MCC: variants seen among roughly 807,000 people sequenced by gnomAD.
MCC encodes the protein colorectal mutant cancer protein.
Under a neutral mutation model 116.2 loss-of-function variants are expected in MCC, and 90 were observed. That is an observed-to-expected ratio of 0.77 (90% confidence interval 0.65 to 0.92). The LOEUF (loss-of-function observed/expected upper bound fraction) is 0.92. MCC is among the 40% of genes least tolerant of loss of function. The probability of loss-of-function intolerance (pLI) is 0.00; values close to 1 mark genes in which losing one functional copy is unlikely to be tolerated. For missense variants in MCC, 1,516 were observed against 1,312.2 expected, an observed-to-expected ratio of 1.16 and a Z score of -2.40; for synonymous variants, 578 against 510.5, an observed-to-expected ratio of 1.13 and a Z score of -1.78.
intron 3 of MCC, among the ~76,000 whole-genome samples, chr5:113,215,999 G>A (rs1401731200): frequency 2.0e-5 from 3 of 152,206 alleles, no homozygotes; most frequent in Admixed American, 6.5e-5. Flanking sequence ...TTGATGGCAA[G>A]CCCTTCTCCT....
chr5:113,056,672 T>C (rs1470259561), intron 14 of MCC, among the ~76,000 whole-genome samples: 1 of 152,034 alleles, frequency 6.6e-6, no homozygotes. Flanking sequence ...CAAACCTCCA[T>C]GACATGAGTT....
At chr5:113,100,167 G>A (rs6861336) in intron 8 of MCC, among the ~76,000 whole-genome samples, 21,897 of 152,104 alleles carry the variant, frequency 0.14, 1,830 homozygotes, top group African/African-American at 0.23. Flanking sequence ...AGGTAGTAGT[G>A]CCAGCCTTTT....
At chr5:113,124,088 T>C (rs1197685169) in intron 5 of MCC, among the ~76,000 whole-genome samples, 1 of 152,238 alleles carries the variant, frequency 6.6e-6, no homozygotes, top group Non-Finnish European at 1.5e-5. Flanking sequence ...CCGTGCTTTA[T>C]AAGGTATTGT....
intron 11 of MCC, among the ~76,000 whole-genome samples, chr5:113,078,861 G>A (rs945420273): frequency 2.0e-5 from 3 of 152,334 alleles, no homozygotes; most frequent in African/African-American, 7.2e-5. Flanking sequence ...AAAAGAGGAA[G>A]TCAAACTGTC....
At chr5:113,470,795 T>A (rs982026222) in intron 1 of MCC, among the ~76,000 whole-genome samples, 5 of 152,128 alleles carry the variant, frequency 3.3e-5, no homozygotes, top group African/African-American at 1.2e-4. Context: ...GGTTCCATTC[T>A]CCCTGTCACT....
chr5:113,375,598 G>C (rs976822273), intron 2 of MCC, among the ~76,000 whole-genome samples: 1 of 152,150 alleles, frequency 6.6e-6, no homozygotes, highest in Non-Finnish European at 1.5e-5. Context: ...ATAGTCATCT[G>C]GTAGCTTGAC....
intron 3 of MCC, among the ~76,000 whole-genome samples, chr5:113,291,129 C>T (rs755223233): frequency 7.9e-5 from 12 of 152,190 alleles, no homozygotes; most frequent in Non-Finnish European, 1.5e-4. Context: ...ATTGTTCAAA[C>T]TAAAGATACA....
At chr5:113,343,996 G>A (rs551571925) in intron 2 of MCC, among the ~76,000 whole-genome samples, 118 of 152,250 alleles carry the variant, frequency 7.8e-4, no homozygotes, top group Non-Finnish European at 1.5e-3. Context: ...ACAGTACCTG[G>A]TTTTGACTTC....
chr5:113,446,989 A>T (rs1771239221), intron 1 of MCC, among the ~76,000 whole-genome samples: 1 of 152,172 alleles, frequency 6.6e-6, no homozygotes, highest in African/African-American at 2.4e-5. Context: ...CATTTCTAGT[A>T]ACTGGTCCAA....
chr5:113,422,804 G>C (rs544673661), intron 1 of MCC, among the ~76,000 whole-genome samples: 1 of 152,280 alleles, frequency 6.6e-6, no homozygotes, highest in East Asian at 1.9e-4. Flanking sequence ...AAATGACTGG[G>C]ATGACAGAGA....
At chr5:113,430,893 G>A (rs1320988689) in intron 1 of MCC, among the ~76,000 whole-genome samples, 2 of 152,098 alleles carry the variant, frequency 1.3e-5, no homozygotes, top group East Asian at 3.8e-4. Flanking sequence ...GTAAACTTAT[G>A]GAAATGAGTA....
intron 12 of MCC, 84 bp from the exon 13 acceptor site, chr5:113,068,267 G>C (rs1176579736): frequency 3.0e-6 from 3 of 998,092 alleles, no homozygotes; most frequent in African/African-American, 1.6e-5. Flanking sequence ...GCAGGAGGCA[G>C]CTCAGGTGCT....
In MCC at chr5:113,434,447, G is replaced by A. The variant is rs372301723; in HGVS notation, c.171-49235C>T. 37 of 1,613,864 alleles carry A rather than the reference G, an allele frequency of 2.3e-5. No individual in the cohort carries two copies. The highest frequency in any genetic ancestry group is 2.9e-5 in the Non-Finnish European group (34 of 1,179,958). On this transcript the variant is annotated intron_variant, in intron 1 of 18. Coordinates refer to ENST00000408903, the MANE Select transcript of MCC (RefSeq NM_001085377.2). The surrounding 1 kb of genome is among the most constrained non-coding windows in gnomAD (Gnocchi z 4.2). The stretch of plus-strand genomic sequence containing the variant: ...CACACTTGAGGTCCCGGTGGACGAC[G>A]TCCAGGTCGTGGCAGTACTTGATGG...
intron 3 of MCC, among the ~76,000 whole-genome samples, chr5:113,155,040 C>T (rs758259281): frequency 6.6e-6 from 1 of 152,108 alleles, no homozygotes; most frequent in Non-Finnish European, 1.5e-5. Context: ...CCCCACTATC[C>T]TCACATTCTT....
intron 3 of MCC, among the ~76,000 whole-genome samples, chr5:113,259,055 G>A (rs1765126122): frequency 6.7e-6 from 1 of 149,876 alleles, no homozygotes; most frequent in South Asian, 2.1e-4. Flanking sequence ...GTTAAAAGGT[G>A]TTTTATTTTA....
chr5:113,076,804 T>C (rs1754487995), intron 11 of MCC, among the ~76,000 whole-genome samples: 1 of 151,776 alleles, frequency 6.6e-6, no homozygotes, highest in African/African-American at 2.4e-5. Context: ...AATTCACACA[T>C]AATATTAACC....
chr5:113,432,934 G>A (rs1770706175), intron 1 of MCC: 1 of 152,148 alleles, frequency 6.6e-6, no homozygotes, highest in Non-Finnish European at 1.5e-5. Context: ...TTGAACAGGA[G>A]AAAGCCAGTA....
intron 11 of MCC, among the ~76,000 whole-genome samples, chr5:113,073,626 C>A (rs1754198675): frequency 6.6e-6 from 1 of 151,936 alleles, no homozygotes; most frequent in Non-Finnish European, 1.5e-5. Flanking sequence ...TGTTAAGTGG[C>A]CATAAGAATA....
At chr5:113,042,723 C>T (rs1346333750) in intron 17 of MCC, among the ~76,000 whole-genome samples, 1 of 151,522 alleles carries the variant, frequency 6.6e-6, no homozygotes, top group African/African-American at 2.4e-5. Context: ...CTTGAAATGT[C>T]TGAATTTGAG....
Sources: allele counts gnomAD v4.1 joint callset (sites outside exome capture counted in the v4.1 genomes callset), GRCh38; gene constraint gnomAD v4.1.1; non-coding constraint Gnocchi (gnomAD v3.1); transcripts MANE v1.5; gene names NCBI Gene and HGNC (gene_info 2026-07-23, HGNC 2026-07-21).